MFGE8: variants seen among roughly 807,000 people sequenced by gnomAD.
MFGE8 encodes lactadherin.
MFGE8 carries 34 observed loss-of-function variants against 42.6 expected under a neutral mutation model. That is an observed-to-expected ratio of 0.80 (90% CI 0.61 to 1.06). The LOEUF is 1.06. Among genes scored for constraint, MFGE8 ranks in the 50% least tolerant of loss-of-function variants. The pLI is 0.00. For missense variants in MFGE8, 510 were observed against 516.9 expected (o/e 0.99, Z 0.13); for synonymous variants, 230 against 214.8 (o/e 1.07, Z -0.62).
intron 1 of MFGE8, among the ~76,000 whole-genome samples, chr15:88,911,264 G>A (rs542032078): frequency 1.8e-4 from 28 of 152,290 alleles, no homozygotes; most frequent in Admixed American, 1.0e-3. Context: ...TATCAGCCCC[G>A]GTGGTGGAGA....
chr15:88,901,591 G>A lies in MFGE8; in HGVS notation c.830C>T (p.Ala277Val). Residue 277 changes from alanine (A) to valine (V), a missense_variant, in exon 6 of 8, where the codon GCC becomes GTC. Coordinates refer to ENST00000268150, the MANE Select transcript of MFGE8 (RefSeq NM_005928.4). The stretch of plus-strand genomic sequence containing the variant: ...GTTACCGTAGCTCCCCGCAACCCAG[G>A]CGTTGAAGTTGCCCTGCTTGTCCAG... ...ARLDKQGNFN[A>V]WVAGSYGNDQ... The A allele has an allele frequency of 6.2e-7, 1 of 1,610,184 alleles. No individual in the cohort carries two copies. Among genetic ancestry groups the A allele is most frequent in the Non-Finnish European group, 8.5e-7 (1 of 1,177,844 alleles).
At chr15:88,910,082 T>C in intron 1 of MFGE8, 159 bp from the exon 2 acceptor site, 1 of 928,576 alleles carries the variant, frequency 1.1e-6, no homozygotes. Context: ...GGAGCCTGAG[T>C]CCGCCTAGAG....
intron 6 of MFGE8, among the ~76,000 whole-genome samples, chr15:88,901,003 TCACA>T (rs72223129): frequency 0.015 from 1,071 of 72,274 alleles, 12 homozygotes; most frequent in Middle Eastern, 0.072. Context: ...ACACACACAT[TCACA>T]CACACACACA....
rs1184623133 is a variant in MFGE8 at position 88,906,454 on chromosome 15, G to C, written c.540+172C>G. 3 of 733,870 alleles carry C rather than the reference G, an allele frequency of 4.1e-6. No homozygotes were observed. The African/African-American group carries it at 5.2e-5, about 13-fold the overall frequency. The allele number at this position is 733,870 out of a possible 1,614,324, so 45.5% of individuals were successfully genotyped here. On this transcript the variant is annotated intron_variant, in intron 4 of 7. Coordinates refer to ENST00000268150, the MANE Select transcript of MFGE8 (RefSeq NM_005928.4). The surrounding 1 kb of genome is among the most constrained non-coding windows in gnomAD (Gnocchi z 4.2). Reference sequence around the variant, plus strand: ...GTGGGACTATTGCTTATAAACCACAGAACATGGACACAGTCTGGGTTTCCC... The same window carrying C: ...GTGGGACTATTGCTTATAAACCACACAACATGGACACAGTCTGGGTTTCCC...
chr15:88,907,134 G>A, intron 3 of MFGE8, 61 bp downstream of exon 3: 1 of 1,558,362 alleles, frequency 6.4e-7, no homozygotes, highest in Non-Finnish European at 8.7e-7. Context: ...ACCCCCAAAT[G>A]CAGAAACATT....
intron 1 of MFGE8, chr15:88,910,464 A>T (rs760696446): frequency 1.0e-4 from 22 of 210,174 alleles, no homozygotes; most frequent in Non-Finnish European, 1.9e-4. Context: ...AAACACTGGG[A>T]GGGCCAATGA....
At position 88,899,033 on chromosome 15, in the gene MFGE8, G is replaced by C. The variant is rs1273083877; in HGVS notation, c.*362C>G. On this transcript the variant is annotated 3_prime_UTR_variant, in exon 8 of 8. Transcript: ENST00000268150. This position sits in a 1 kb window ranked among gnomAD's most constrained non-coding sequence, Gnocchi z 6.8. ...GCCACCATGGGAATGTGATGTGTGA[G>C]AGAGGGGCTAGGAGAGACAGAGACA... 2.9e-6 allele frequency: 1 copy of C among 347,854 alleles called. No homozygotes were observed. The highest frequency in any genetic ancestry group is 6.5e-5 in the East Asian group (1 of 15,408). 21.5% of individuals were successfully genotyped at this position (347,854 alleles called of 1,614,324 possible). A position where few individuals can be genotyped will look rare whatever the true frequency, so the allele number is the denominator to read the frequency against.
In MFGE8 at chr15:88,906,609, G is replaced by A; in HGVS notation, c.540+17C>T. The A allele has an allele frequency of 6.2e-7, 1 of 1,613,638 alleles. No homozygotes were observed. Among genetic ancestry groups the A allele is most frequent in the Non-Finnish European group, 8.5e-7 (1 of 1,179,790 alleles). On this transcript the variant is annotated intron_variant, in intron 4 of 7. Transcript: ENST00000268150. The surrounding 1 kb of genome is among the most constrained non-coding windows in gnomAD (Gnocchi z 4.2). ...GTATGGACCACAGCCCTTCTTTCGG[G>A]CCCCAACAAGACCTACCTTGTGTTT... is the stretch of plus-strand genomic sequence containing the variant.
chr15:88,910,542 G>GCGA, intron 1 of MFGE8: 1 of 168,236 alleles, frequency 5.9e-6, no homozygotes, highest in Admixed American at 5.6e-5. Context: ...GGGGAAAGAG[G>GCGA]CCAGCAAGTC....
Position 88,901,579 on chromosome 15 carries a change from C to A in MFGE8, c.842G>T (p.Gly281Val), listed in dbSNP as rs1190468509. 5.6e-6 allele frequency: 9 copies of A among 1,613,802 alleles called. No homozygotes were observed. Among genetic ancestry groups the A allele is most frequent in the Non-Finnish European group, 6.8e-6 (8 of 1,179,970 alleles). ...CAGCCACTGATCGTTACCGTAGCTCCCCGCAACCCAGGCGTTGAAGTTGCC... is the reference window on the plus strand; with the variant it reads ...CAGCCACTGATCGTTACCGTAGCTCACCGCAACCCAGGCGTTGAAGTTGCC... ...KQGNFNAWVAGSYGNDQWLQV... is the reference protein window; with the variant it reads ...KQGNFNAWVAVSYGNDQWLQV... Residue 281 changes from glycine to valine, a missense_variant, in exon 6 of 8, where the codon GGG (glycine) becomes GTG (valine). Physicochemically the swap from Gly to Val is moderately radical, Grantham distance 109. Transcript: ENST00000268150.
intron 6 of MFGE8, 35 bp downstream of exon 6, chr15:88,901,516 A>AC: frequency 1.4e-6 from 1 of 733,418 alleles, no homozygotes; most frequent in Non-Finnish European, 2.4e-6. Context: ...CATCCCACCC[A>AC]ACCCCAGCCC....
Position 88,905,875 on chromosome 15 carries a change from G to A in MFGE8, c.567C>T (p.Asn189=), listed in dbSNP as rs1022531199. 31 of 1,614,078 alleles carry A rather than the reference G, an allele frequency of 1.9e-5. No individual in the cohort carries two copies. Among genetic ancestry groups the A allele is most frequent in the Middle Eastern group, 3.3e-4 (2 of 6,084 alleles). ...HKEFVGNWNK[N]AVHVNLFETP... ...TCTCAAACAGGTTGACATGCACCGC[G>A]TTTTTGTTCCAGTTACCCACAAACT... The change falls in exon 5 of 8, where the codon AAC becomes AAT. Residue 189 remains asparagine (N), a synonymous_variant. Coordinates refer to ENST00000268150, the MANE Select transcript of MFGE8 (RefSeq NM_005928.4). The surrounding 1 kb of genome is among the most constrained non-coding windows in gnomAD (Gnocchi z 6.6).
chr15:88,901,015 A>ACATTCACACACC, intron 6 of MFGE8, among the ~76,000 whole-genome samples: 1 of 151,100 alleles, frequency 6.6e-6, no homozygotes, highest in Non-Finnish European at 1.5e-5. Context: ...ACACACACAC[A>ACATTCACACACC]CACATTCTCA....
chr15:88,909,648 G>C (rs1213004141), intron 2 of MFGE8, 144 bp downstream of exon 2: 5 of 1,181,348 alleles, frequency 4.2e-6, no homozygotes, highest in Admixed American at 1.7e-5. Context: ...CTCTCTCTCT[G>C]AGTCTCCCCA....
Position 88,903,290 on chromosome 15 carries a change from C to A in MFGE8, c.686-1555G>T, listed in dbSNP as rs4932447. On this transcript the variant is annotated intron_variant, in intron 5 of 7. Transcript: ENST00000268150. This position sits in a 1 kb window ranked among gnomAD's most constrained non-coding sequence, Gnocchi z 4.9. Reference sequence around the variant, plus strand: ...AATGCAGTTGGAAGGGGCACCAGGGCAGGGACAGGACTGTCAGCTCCAGCA... The same window carrying A: ...AATGCAGTTGGAAGGGGCACCAGGGAAGGGACAGGACTGTCAGCTCCAGCA... 41,360 of 152,030 alleles carry A rather than the reference C, an allele frequency of 0.27. 6,012 individuals carry two copies. The highest frequency in any genetic ancestry group is 0.35 in the Admixed American group (5,345 of 15,256). The allele number at this position is 152,030 out of a possible 1,614,324, so 9.4% of individuals were successfully genotyped here.
chr15:88,912,023 C>T, intron 1 of MFGE8: 1 of 932,644 alleles, frequency 1.1e-6, no homozygotes, highest in South Asian at 1.4e-5. Flanking sequence ...ATGGACTCTT[C>T]CCTCCCAACT....
chr15:88,912,620 C>A (rs1899019597), intron 1 of MFGE8: 1 of 985,202 alleles, frequency 1.0e-6, no homozygotes, highest in Non-Finnish European at 1.2e-6. Flanking sequence ...CAGCAGCCGG[C>A]CAAGGCCGCG....
chr15:88,906,684 G>A lies in MFGE8; in HGVS notation c.482C>T (p.Ala161Val), dbSNP rs769606445. ...SHEYLKAFKV[A>V]YSLNGHEFDF... ...GAATTCGTGTCCATTAAGGCTGTAGGCCACCTTGAAGGCCTTCAGGTACTC... is the reference window on the plus strand; with the variant it reads ...GAATTCGTGTCCATTAAGGCTGTAGACCACCTTGAAGGCCTTCAGGTACTC... The change falls in exon 4 of 8, where the codon GCC (alanine) becomes GTC (valine). Residue 161 changes from alanine to valine, a missense_variant. Coordinates refer to ENST00000268150, the MANE Select transcript of MFGE8 (RefSeq NM_005928.4). This position sits in a 1 kb window ranked among gnomAD's most constrained non-coding sequence, Gnocchi z 4.2. 10 of 1,613,840 alleles carry A rather than the reference G, an allele frequency of 6.2e-6. No homozygotes were observed. The highest frequency in any genetic ancestry group is 1.7e-5 in the Admixed American group (1 of 59,990).
intron 2 of MFGE8, among the ~76,000 whole-genome samples, chr15:88,909,405 T>C (rs1464663685): frequency 6.6e-6 from 1 of 152,224 alleles, no homozygotes; most frequent in Non-Finnish European, 1.5e-5. Flanking sequence ...ACCAAGAATG[T>C]GTTTGTTTTC....
Sources: allele counts gnomAD v4.1 joint callset (sites outside exome capture counted in the v4.1 genomes callset), GRCh38; gene constraint gnomAD v4.1.1; non-coding constraint Gnocchi (gnomAD v3.1); transcripts MANE v1.5; gene names NCBI Gene and HGNC (gene_info 2026-07-23, HGNC 2026-07-21).